The following PLCB4 variants were observed in gnomAD, a reference collection of about 807,000 sequenced individuals.
PLCB4 encodes the protein 1-phosphatidylinositol 4,5-bisphosphate phosphodiesterase beta-4.
PLCB4 carries 77 observed loss-of-function variants against 178.8 expected under a neutral mutation model. That is an observed-to-expected ratio of 0.43 (90% CI 0.36 to 0.52). The LOEUF (loss-of-function observed/expected upper bound fraction) is 0.52, where lower values mean the gene tolerates loss of function less well. Among genes scored for constraint, PLCB4 ranks in the 20% least tolerant of loss-of-function variants. PLCB4 has a pLI of 0.00. For synonymous variants in PLCB4, 496 were observed against 490.8 expected, an observed-to-expected ratio of 1.01 and a Z score of -0.14; for missense variants, 1,024 against 1,453.4, an observed-to-expected ratio of 0.70 and a Z score of 4.80.
intron 3 of PLCB4, among the ~76,000 whole-genome samples, chr20:9,268,768 CTA>C (rs1473899598): frequency 6.6e-6 from 1 of 152,174 alleles, no homozygotes; most frequent in Non-Finnish European, 1.5e-5. Context: ...GGTAAAGAAA[CTA>C]TATAATTAGC....
At chr20:9,102,979 T>A (rs1281547686) in intron 2 of PLCB4, among the ~76,000 whole-genome samples, 1 of 151,910 alleles carries the variant, frequency 6.6e-6, no homozygotes, top group African/African-American at 2.4e-5. Context: ...CCACATATAC[T>A]CACTCCTACT....
chr20:9,172,727 C>T (rs2093085210), intron 2 of PLCB4, among the ~76,000 whole-genome samples: 1 of 152,152 alleles, frequency 6.6e-6, no homozygotes, highest in Non-Finnish European at 1.5e-5. Flanking sequence ...ACATGATAAA[C>T]CTCATTTTCC....
chr20:9,211,154 T>C (rs2147242129), intron 2 of PLCB4, among the ~76,000 whole-genome samples: 1 of 152,296 alleles, frequency 6.6e-6, no homozygotes, highest in East Asian at 1.9e-4. Context: ...AAAGCAGGCA[T>C]TGATCCCTTC....
At chr20:9,271,394 G>A (rs746311243) in intron 3 of PLCB4, among the ~76,000 whole-genome samples, 3 of 152,144 alleles carry the variant, frequency 2.0e-5, no homozygotes, top group East Asian at 1.9e-4. Context: ...AGTTAAGGAA[G>A]CTGAAGTTGA....
chr20:9,174,004 C>A (rs924733679), intron 2 of PLCB4, among the ~76,000 whole-genome samples: 4 of 152,144 alleles, frequency 2.6e-5, no homozygotes, highest in African/African-American at 9.7e-5. Flanking sequence ...ACTGATTCTC[C>A]CCCTTCACAA....
intron 4 of PLCB4, among the ~76,000 whole-genome samples, chr20:9,318,263 G>A (rs2094922121): frequency 6.6e-6 from 1 of 152,072 alleles, no homozygotes; most frequent in African/African-American, 2.4e-5. Flanking sequence ...GCTAGTTTAG[G>A]GGTTTTTTAA....
At chr20:9,119,842 C>G (rs2091900002) in intron 2 of PLCB4, among the ~76,000 whole-genome samples, 1 of 152,206 alleles carries the variant, frequency 6.6e-6, no homozygotes, top group Non-Finnish European at 1.5e-5. Flanking sequence ...ATTTTAAAAA[C>G]ACAAACCACG....
intron 3 of PLCB4, among the ~76,000 whole-genome samples, chr20:9,249,438 G>T (rs946538366): frequency 6.6e-6 from 1 of 152,062 alleles, no homozygotes; most frequent in Non-Finnish European, 1.5e-5. Flanking sequence ...CTCCCAAGTA[G>T]CTGGGACATC....
chr20:9,251,637 CT>C (rs1344876401), intron 3 of PLCB4, among the ~76,000 whole-genome samples: 2 of 152,020 alleles, frequency 1.3e-5, no homozygotes, highest in African/African-American at 4.8e-5. Flanking sequence ...ATGTGGCTCC[CT>C]TTTTTTACTA....
chr20:9,352,186 A>G (rs544651474), intron 7 of PLCB4, among the ~76,000 whole-genome samples: 3 of 152,350 alleles, frequency 2.0e-5, no homozygotes, highest in African/African-American at 7.2e-5. Flanking sequence ...CTGGGGATGT[A>G]GGAATGTAGT....
At chr20:9,301,217 C>T (rs2147828008) in intron 3 of PLCB4, among the ~76,000 whole-genome samples, 1 of 151,852 alleles carries the variant, frequency 6.6e-6, no homozygotes, top group East Asian at 1.9e-4. Context: ...TCCCTTTTTG[C>T]CCTGTAAGGT....
At chr20:9,224,701 C>G (rs183466529) in intron 3 of PLCB4, among the ~76,000 whole-genome samples, 192 of 152,266 alleles carry the variant, frequency 1.3e-3, no homozygotes, top group Middle Eastern at 6.8e-3. Flanking sequence ...CTCCTTTGCT[C>G]TGTCTCTTGC....
intron 39 of PLCB4, among the ~76,000 whole-genome samples, chr20:9,478,304 G>A (rs2044687523): frequency 6.6e-6 from 1 of 152,068 alleles, no homozygotes. Context: ...CCCTAGAGAA[G>A]TAAGAGCCCA....
At chr20:9,291,762 A>G (rs1382655661) in intron 3 of PLCB4, among the ~76,000 whole-genome samples, 1 of 152,126 alleles carries the variant, frequency 6.6e-6, no homozygotes, top group Non-Finnish European at 1.5e-5. Context: ...TTTTTTGACT[A>G]AAGGTTACTT....
At chr20:9,470,296 A>G (rs2044097753) in intron 36 of PLCB4, among the ~76,000 whole-genome samples, 1 of 151,780 alleles carries the variant, frequency 6.6e-6, no homozygotes, top group East Asian at 1.9e-4. Flanking sequence ...CTGCCATTGC[A>G]CTCCAGCCTG....
chr20:9,408,131 A>G, intron 22 of PLCB4, 73 bp downstream of exon 22: 1 of 1,293,040 alleles, frequency 7.7e-7, no homozygotes, highest in Non-Finnish European at 1.1e-6. Context: ...GCTTTTATCT[A>G]ATTTGTTGCC....
chr20:9,228,276 C>T (rs1227502031), intron 3 of PLCB4, among the ~76,000 whole-genome samples: 2 of 152,132 alleles, frequency 1.3e-5, no homozygotes, highest in African/African-American at 2.4e-5. Flanking sequence ...AGCTGTGATA[C>T]AGGCATCAAA....
At chr20:9,437,464 G>A (rs2041845095) in intron 30 of PLCB4, among the ~76,000 whole-genome samples, 1 of 152,168 alleles carries the variant, frequency 6.6e-6, no homozygotes, top group Non-Finnish European at 1.5e-5. Context: ...GCACTTGAAG[G>A]CCAATTCCAT....
chr20:9,239,592 G>T (rs189573901), intron 3 of PLCB4, among the ~76,000 whole-genome samples: 1 of 152,208 alleles, frequency 6.6e-6, no homozygotes, highest in East Asian at 1.9e-4. Context: ...AGGATGGAAG[G>T]GTACGCTATC....
Sources: allele counts gnomAD v4.1 joint callset (sites outside exome capture counted in the v4.1 genomes callset), GRCh38; gene constraint gnomAD v4.1.1; transcripts MANE v1.5; gene names NCBI Gene and HGNC (gene_info 2026-07-23, HGNC 2026-07-21).